CLMN: variants seen among roughly 807,000 people sequenced by gnomAD.
The protein encoded by CLMN is calmin (calponin-like, transmembrane).
A neutral mutation model predicts 92.7 loss-of-function variants in CLMN; 57 were observed. The ratio of observed to expected loss-of-function variants is 0.61; its 90% CI spans 0.50 to 0.77. The LOEUF (loss-of-function observed/expected upper bound fraction) is 0.77. Among genes scored for constraint, CLMN ranks in the 30% least tolerant of loss-of-function variants. The pLI, the probability that CLMN is intolerant of heterozygous loss-of-function variation, is 0.00. For synonymous variants in CLMN, 466 were observed against 470.6 expected (o/e 0.99, Z 0.13); for missense variants, 1,158 against 1,237.5 (o/e 0.94, Z 0.96).
rs749986649 is a variant in CLMN, at chr14:95,319,788, G to A, written c.5C>T (p.Ala2Val). 2.6e-6 allele frequency: 4 copies of A among 1,542,558 alleles called. No individual in the cohort carries two copies. Among genetic ancestry groups the A allele is most frequent in the Non-Finnish European group, 3.5e-6 (4 of 1,149,144 alleles). The part of the protein sequence containing the change: M[A>V]AHEWDWFQRE... ...TTGGAACCAGTCCCACTCGTGTGCA[G>A]CCATGAAGCGCGGGCGGGAGAGCCC... The change falls in exon 1 of 13, where the codon GCT (alanine) becomes GTT (valine). Residue 2 changes from alanine to valine, a missense_variant. Ala to Val is a moderately conservative substitution (Grantham distance 64, BLOSUM62 0). Transcript: ENST00000298912.
At chr14:95,246,927 C>T (rs966092054) in intron 1 of CLMN, among the ~76,000 whole-genome samples, 1 of 152,202 alleles carries the variant, frequency 6.6e-6, no homozygotes, top group African/African-American at 2.4e-5. Context: ...CTCTGTGAAT[C>T]TAACCTCATC....
chr14:95,318,929 C>A (rs1229836704), intron 1 of CLMN, among the ~76,000 whole-genome samples: 1 of 152,196 alleles, frequency 6.6e-6, no homozygotes, highest in Non-Finnish European at 1.5e-5. Context: ...TGAATAAATT[C>A]TTTTGAAAGA....
intron 1 of CLMN, among the ~76,000 whole-genome samples, chr14:95,270,362 T>C (rs1039846426): frequency 1.3e-5 from 2 of 152,148 alleles, no homozygotes; most frequent in Non-Finnish European, 2.9e-5. Flanking sequence ...ATGCACAGAG[T>C]TGTATAACCA....
intron 1 of CLMN, among the ~76,000 whole-genome samples, chr14:95,292,788 T>C (rs1445233769): frequency 6.6e-6 from 1 of 152,032 alleles, no homozygotes; most frequent in African/African-American, 2.4e-5. Flanking sequence ...TAAATTAACA[T>C]GAACCAGCTC....
intron 1 of CLMN, among the ~76,000 whole-genome samples, chr14:95,306,067 G>A (rs1472905306): frequency 6.6e-6 from 1 of 152,170 alleles, no homozygotes; most frequent in Non-Finnish European, 1.5e-5. Flanking sequence ...AGCCATCAGA[G>A]GAAGGCAGGA....
At chr14:95,217,592 GA>G (rs1897392195) in intron 4 of CLMN, among the ~76,000 whole-genome samples, 1 of 152,204 alleles carries the variant, frequency 6.6e-6, no homozygotes, top group Non-Finnish European at 1.5e-5. Flanking sequence ...CTGCATGATG[GA>G]TCACCCACGA....
intron 1 of CLMN, among the ~76,000 whole-genome samples, chr14:95,309,373 G>T (rs941660960): frequency 6.6e-6 from 1 of 152,132 alleles, no homozygotes; most frequent in African/African-American, 2.4e-5. Context: ...AGGGTTCATG[G>T]ATCTCCACTC....
intron 6 of CLMN, 23 bp downstream of exon 6, chr14:95,213,196 T>G (rs750515392): frequency 4.3e-6 from 7 of 1,609,572 alleles, no homozygotes; most frequent in Non-Finnish European, 5.9e-6. Flanking sequence ...TGAAGTAGTG[T>G]GGGGAGAGGG....
intron 1 of CLMN, among the ~76,000 whole-genome samples, chr14:95,308,194 G>A (rs958533445): frequency 1.3e-5 from 2 of 152,222 alleles, no homozygotes; most frequent in Non-Finnish European, 2.9e-5. Flanking sequence ...CAAGAAGTCA[G>A]CCTTTACTTT....
intron 9 of CLMN, among the ~76,000 whole-genome samples, chr14:95,198,042 CTTTTTTTT>C (rs1019598103): frequency 5.7e-5 from 4 of 69,958 alleles, no homozygotes; most frequent in Non-Finnish European, 7.8e-5. Flanking sequence ...TTTTTTCTTT[CTTTTTTTT>C]TTTTTTTTTT....
intron 1 of CLMN, among the ~76,000 whole-genome samples, chr14:95,288,090 T>A (rs948173200): frequency 6.6e-6 from 1 of 152,220 alleles, no homozygotes; most frequent in Non-Finnish European, 1.5e-5. Context: ...CACAGCATAG[T>A]GGGGCCTGGA....
chr14:95,262,700 G>A (rs887759201), intron 1 of CLMN, among the ~76,000 whole-genome samples: 1 of 152,092 alleles, frequency 6.6e-6, no homozygotes, highest in Non-Finnish European at 1.5e-5. Flanking sequence ...CCGAGTAGCT[G>A]GGACTACAGG....
rs146464693 is a variant in CLMN at position 95,204,237 on chromosome 14, G to A, written c.1112C>T (p.Ala371Val). Residue 371 changes from alanine (A) to valine (V), a missense_variant, in exon 9 of 13, where the codon GCG becomes GTG. Coordinates refer to ENST00000298912, the MANE Select transcript of CLMN (RefSeq NM_024734.4). ...GAACTCGGTGGAGCTGTCTGACAGC[G>A]CATGGCTGGAAACACCATCCAGGCG... is the stretch of plus-strand genomic sequence containing the variant. ...EFRLDGVSSH[A>V]LSDSSTEFMH... 6.6e-5 allele frequency: 106 copies of A among 1,613,844 alleles called. No homozygotes were observed. Among genetic ancestry groups the A allele is most frequent in the Middle Eastern group, 3.3e-4 (2 of 6,062 alleles).
intron 1 of CLMN, among the ~76,000 whole-genome samples, chr14:95,297,616 G>C (rs994625789): frequency 2.0e-5 from 3 of 152,160 alleles, no homozygotes; most frequent in Admixed American, 6.5e-5. Context: ...GCAGTCTGTA[G>C]AGCATTTAGA....
chr14:95,239,201 A>G (rs1898162780), intron 1 of CLMN, among the ~76,000 whole-genome samples: 1 of 152,218 alleles, frequency 6.6e-6, no homozygotes, highest in Non-Finnish European at 1.5e-5. Flanking sequence ...AAGGATTGAA[A>G]TAGTACTGAA....
At chr14:95,308,112 T>A (rs1901364273) in intron 1 of CLMN, among the ~76,000 whole-genome samples, 1 of 152,208 alleles carries the variant, frequency 6.6e-6, no homozygotes, top group Non-Finnish European at 1.5e-5. Context: ...GAGAATTTCA[T>A]CTCCTCAATT....
chr14:95,278,255 A>G (rs753766391), intron 1 of CLMN, among the ~76,000 whole-genome samples: 8 of 152,242 alleles, frequency 5.3e-5, no homozygotes, highest in Non-Finnish European at 7.3e-5. Context: ...TGTCCTGGCT[A>G]GAGTTTGGGA....
At position 95,289,662 on chromosome 14, in the gene CLMN, A is replaced by C. The variant is rs530167123; in HGVS notation, c.82+30049T>G. Among the ~76,000 whole-genome samples, 329 of 152,242 alleles carry C rather than the reference A, an allele frequency of 2.2e-3. 2 individuals are homozygous for C. The highest frequency in any genetic ancestry group is 7.4e-3 in the African/African-American group (308 of 41,538). On this transcript the variant is annotated intron_variant, in intron 1 of 12. Coordinates refer to ENST00000298912, the MANE Select transcript of CLMN (RefSeq NM_024734.4). Reference sequence around the variant, plus strand: ...TTGAAGGCTTCAAACCAGGGAAAAGAAGCAATCAGGCTCCTCCCACCCCAA... The same window carrying C: ...TTGAAGGCTTCAAACCAGGGAAAAGCAGCAATCAGGCTCCTCCCACCCCAA...
chr14:95,207,277 ATTCT>A (rs1321525223), intron 8 of CLMN, among the ~76,000 whole-genome samples: 13 of 152,158 alleles, frequency 8.5e-5, no homozygotes, highest in African/African-American at 3.1e-4. Flanking sequence ...ACAGTATATT[ATTCT>A]TTCTTTCTTT....
Sources: allele counts gnomAD v4.1 joint callset (sites outside exome capture counted in the v4.1 genomes callset), GRCh38; gene constraint gnomAD v4.1.1; transcripts MANE v1.5; gene names NCBI Gene and HGNC (gene_info 2026-07-23, HGNC 2026-07-21).